Variants in TUT4 observed in about 807,000 individuals in gnomAD.
TUT4 encodes terminal uridylyltransferase 4.
TUT4 carries 36 observed loss-of-function variants against 192.2 expected under a neutral mutation model. The observed-to-expected ratio is 0.19, with a 90% CI of 0.14 to 0.25. TUT4 has a LOEUF of 0.25. TUT4 is among the 10% of genes least tolerant of loss of function. TUT4 has a pLI of 1.00. For synonymous variants in TUT4, 618 were observed against 666.0 expected (o/e 0.93, Z 1.11); for missense variants, 1,493 against 1,957.2 (o/e 0.76, Z 4.47).
At chr1:52,480,154 T>C (rs1668146157) in intron 11 of TUT4, among the ~76,000 whole-genome samples, 1 of 151,998 alleles carries the variant, frequency 6.6e-6, no homozygotes, top group Non-Finnish European at 1.5e-5. Context: ...TCCACAGGAT[T>C]AGATGGGATT....
At chr1:52,429,967 T>A (rs1651508447) in intron 28 of TUT4, among the ~76,000 whole-genome samples, 1 of 152,108 alleles carries the variant, frequency 6.6e-6, no homozygotes, top group Non-Finnish European at 1.5e-5. Context: ...TCTATGTATT[T>A]TAAAGCTGGA....
At chr1:52,458,307 A>G in intron 20 of TUT4, 29 bp downstream of exon 20, 1 of 1,553,160 alleles carries the variant, frequency 6.4e-7, no homozygotes. Context: ...TTCAAAAAAA[A>G]CTCCTTTATA....
intron 8 of TUT4, 101 bp downstream of exon 8, chr1:52,490,631 G>C: frequency 3.3e-6 from 3 of 900,392 alleles, no homozygotes; most frequent in African/African-American, 1.7e-5. Context: ...TTCATCCAAG[G>C]AGAAATCTAA....
chr1:52,539,656 C>T (rs535195617), intron 1 of TUT4, among the ~76,000 whole-genome samples: 1 of 152,108 alleles, frequency 6.6e-6, no homozygotes, highest in African/African-American at 2.4e-5. Context: ...TTTGGGAGGC[C>T]GAGGCGGCCT....
chr1:52,458,898 T>C (rs555781047), intron 19 of TUT4, among the ~76,000 whole-genome samples: 2 of 152,260 alleles, frequency 1.3e-5, no homozygotes, highest in South Asian at 4.1e-4. Context: ...GTTTTTTTAA[T>C]TGCAGCACTA....
intron 28 of TUT4, among the ~76,000 whole-genome samples, chr1:52,430,728 T>G (rs149723941): frequency 9.2e-5 from 14 of 152,360 alleles, no homozygotes; most frequent in African/African-American, 3.4e-4. Flanking sequence ...TTATGTGTGT[T>G]ACACCTCATT....
At chr1:52,507,377 A>G (rs1326596219) in intron 4 of TUT4, among the ~76,000 whole-genome samples, 1 of 152,208 alleles carries the variant, frequency 6.6e-6, no homozygotes, top group Non-Finnish European at 1.5e-5. Context: ...TGCAACCTAG[A>G]AACTCTCAAG....
At chr1:52,461,411 T>C in intron 18 of TUT4, 102 bp downstream of exon 18, 1 of 1,265,318 alleles carries the variant, frequency 7.9e-7, no homozygotes, top group Non-Finnish European at 1.1e-6. Flanking sequence ...TAAAATACTT[T>C]TTCCTTATAC....
At chr1:52,450,417 A>C (rs1253262388) in intron 20 of TUT4, among the ~76,000 whole-genome samples, 3 of 152,212 alleles carry the variant, frequency 2.0e-5, no homozygotes, top group East Asian at 3.8e-4. Context: ...CATTCCATGA[A>C]CTGTCTCTTG....
Position 52,467,494 on chromosome 1 carries a change from A to C in TUT4, c.2965+687T>G, listed in dbSNP as rs545219699. Among the ~76,000 whole-genome samples the C allele has an allele frequency of 1.3e-4, 20 of 152,130 alleles. No individual in the cohort carries two copies. In the South Asian group the frequency reaches 3.5e-3, roughly 27 times the overall value. ...GGTTCTACCTTCAAAATATATCCCA[A>C]ATCTGACCACTTCTCATCTACTCTG... On this transcript the variant is annotated intron_variant, in intron 15 of 29. Transcript: ENST00000257177.
intron 2 of TUT4, among the ~76,000 whole-genome samples, chr1:52,521,456 G>A (rs12737682): frequency 0.06 from 9,106 of 151,254 alleles, 296 homozygotes; most frequent in South Asian, 0.086. Context: ...CTTGAGGTCA[G>A]GAGTTCAAGA....
chr1:52,481,556 C>T lies in TUT4; in HGVS notation c.1715G>A (p.Cys572Tyr). ...TTTCTCAGTTGCACTACTTGAATTA[C>T]ATTCCCACTTCACAAACTTCTCTTC... The part of the protein sequence containing the change: ...IVEEKFVKWE[C>Y]NSSSATEKNS... Residue 572 changes from cysteine to tyrosine, a missense_variant, in exon 11 of 30, where the codon TGT (cysteine) becomes TAT (tyrosine). By Grantham distance (194) the Cys-to-Tyr change is radical. Coordinates refer to ENST00000257177, the MANE Select transcript of TUT4 (RefSeq NM_001009881.3). 3.1e-6 allele frequency: 5 copies of T among 1,613,826 alleles called. No individual in the cohort carries two copies. The highest frequency in any genetic ancestry group is 1.1e-5 in the South Asian group (1 of 91,072).
intron 4 of TUT4, among the ~76,000 whole-genome samples, chr1:52,499,099 T>G (rs1673396112): frequency 6.6e-6 from 1 of 151,074 alleles, no homozygotes; most frequent in African/African-American, 2.4e-5. Flanking sequence ...TACAAAGCTA[T>G]AGTAATCAAA....
At chr1:52,441,742 T>TA (rs1322523958) in intron 24 of TUT4, among the ~76,000 whole-genome samples, 1 of 152,162 alleles carries the variant, frequency 6.6e-6, no homozygotes, top group African/African-American at 2.4e-5. Flanking sequence ...ATACTTAAAA[T>TA]TGTCTAGCTT....
chr1:52,473,400 G>A (rs952550501), intron 13 of TUT4, among the ~76,000 whole-genome samples: 1 of 152,058 alleles, frequency 6.6e-6, no homozygotes, highest in African/African-American at 2.4e-5. Context: ...TCTTAAATTT[G>A]CTAATAAGGT....
intron 15 of TUT4, among the ~76,000 whole-genome samples, chr1:52,467,380 T>G (rs1281274738): frequency 6.6e-6 from 1 of 152,202 alleles, no homozygotes; most frequent in Non-Finnish European, 1.5e-5. Flanking sequence ...TAGGACCACC[T>G]ACTGTAACTG....
intron 16 of TUT4, among the ~76,000 whole-genome samples, chr1:52,464,616 ATAAC>A (rs1289073270): frequency 6.6e-6 from 1 of 152,196 alleles, no homozygotes; most frequent in Non-Finnish European, 1.5e-5. Context: ...GTCAAAAATT[ATAAC>A]TAACTTTTAG....
At chr1:52,485,197 A>T (rs1306406844) in intron 9 of TUT4, among the ~76,000 whole-genome samples, 1 of 152,138 alleles carries the variant, frequency 6.6e-6, no homozygotes, top group African/African-American at 2.4e-5. Context: ...TTTGTTATTA[A>T]ATCTCTTCCT....
At chr1:52,531,032 G>A (rs1683247503) in intron 1 of TUT4, among the ~76,000 whole-genome samples, 1 of 151,950 alleles carries the variant, frequency 6.6e-6, no homozygotes. Flanking sequence ...AAGGCTCACT[G>A]CTTCCCCTGC....
Sources: gnomAD v4.1 joint callset for allele counts (sites outside exome capture counted in the v4.1 genomes callset) on GRCh38, gnomAD v4.1.1 for gene constraint, MANE v1.5 for transcripts, NCBI Gene and HGNC (gene_info 2026-07-23, HGNC 2026-07-21) for gene names.